GNA14: variants seen among roughly 807,000 people sequenced by gnomAD.
GNA14 encodes the protein G protein subunit alpha 14, also known as guanine nucleotide-binding protein subunit alpha-14.
A neutral mutation model predicts 42.0 loss-of-function variants in GNA14; 50 were observed. That is an observed-to-expected ratio of 1.19 (90% CI 0.95 to 1.51). The LOEUF is 1.51. Among genes scored for constraint, GNA14 ranks in the 40% most tolerant of loss-of-function variants. The pLI, the probability that GNA14 is intolerant of heterozygous loss-of-function variation, is 0.00. For synonymous variants in GNA14, 173 were observed against 163.1 expected, an observed-to-expected ratio of 1.06 and a Z score of -0.46; for missense variants, 473 against 446.2, an observed-to-expected ratio of 1.06 and a Z score of -0.54.
Position 77,428,710 on chromosome 9 carries a change from C to A in GNA14, c.723+197G>T, listed in dbSNP as rs76842842. On this transcript the variant is annotated intron_variant, in intron 5 of 6. Coordinates refer to ENST00000341700, the MANE Select transcript of GNA14 (RefSeq NM_004297.4). ...AAATGCAGATGCTGATGTAGTTGGT[C>A]GGGGTTGATTCAGTAAGACTGCATT... is the stretch of plus-strand genomic sequence containing the variant. Among the ~76,000 whole-genome samples the A allele has an allele frequency of 1.1e-3, 171 of 152,226 alleles. 4 individuals carry two copies. In the East Asian group the frequency reaches 0.029, roughly 26 times the overall value.
intron 1 of GNA14, among the ~76,000 whole-genome samples, chr9:77,587,360 A>T (rs984132561): frequency 2.0e-5 from 3 of 152,366 alleles, no homozygotes; most frequent in Admixed American, 2.0e-4. Context: ...ACATGTTCAT[A>T]GCAGCACTAT....
intron 1 of GNA14, among the ~76,000 whole-genome samples, chr9:77,551,698 T>C (rs1427646859): frequency 1.3e-5 from 2 of 152,044 alleles, no homozygotes; most frequent in East Asian, 1.9e-4. Context: ...AGCAGCATCT[T>C]TGGGCAACAA....
rs1354021485 is a variant in GNA14 at position 77,580,511 on chromosome 9, T to C, written c.125-51258A>G. The C allele has an allele frequency of 9.4e-6, 4 of 423,834 alleles. No individual in the cohort carries two copies. In the South Asian group the frequency reaches 9.7e-5, roughly 10 times the overall value. 26.3% of individuals were successfully genotyped at this position (423,834 alleles called of 1,614,324 possible). ...ATCATCAGCATGGTTGTGGGTGAGC[T>C]TAAGGTAGATGAAGACCCCATCATC... is the stretch of plus-strand genomic sequence containing the variant. On this transcript the variant is annotated intron_variant, in intron 1 of 6. Transcript: ENST00000341700.
intron 2 of GNA14, among the ~76,000 whole-genome samples, chr9:77,484,276 C>T (rs907495305): frequency 6.6e-6 from 1 of 152,156 alleles, no homozygotes; most frequent in African/African-American, 2.4e-5. Flanking sequence ...TACAGTTTGT[C>T]TTAAGAGGAG....
At chr9:77,531,597 AC>A (rs1837529963) in intron 1 of GNA14, among the ~76,000 whole-genome samples, 1 of 152,180 alleles carries the variant, frequency 6.6e-6, no homozygotes, top group Admixed American at 6.5e-5. Context: ...TAATATGGCT[AC>A]ATTTACACAT....
chr9:77,439,597 A>G (rs1835695601), intron 2 of GNA14, among the ~76,000 whole-genome samples: 2 of 152,236 alleles, frequency 1.3e-5, no homozygotes, highest in East Asian at 1.9e-4. Context: ...AGATCGTGCC[A>G]CCGCACTTCG....
chr9:77,601,156 C>T (rs1276163057), intron 1 of GNA14, among the ~76,000 whole-genome samples: 2 of 152,314 alleles, frequency 1.3e-5, no homozygotes, highest in East Asian at 3.9e-4. Flanking sequence ...ACCCCTCTTG[C>T]TTTGCTGAGA....
chr9:77,509,956 AAC>A (rs1218405764), intron 2 of GNA14, among the ~76,000 whole-genome samples: 1 of 152,220 alleles, frequency 6.6e-6, no homozygotes, highest in African/African-American at 2.4e-5. Context: ...GTTTTTTAAT[AAC>A]AGTTTTCTTG....
chr9:77,468,702 C>CT (rs1326899426), intron 2 of GNA14, among the ~76,000 whole-genome samples: 2 of 152,226 alleles, frequency 1.3e-5, no homozygotes, highest in African/African-American at 4.8e-5. Context: ...GCGTGCTTCT[C>CT]TATCTTCTCT....
chr9:77,561,766 C>G (rs988582667), intron 1 of GNA14, among the ~76,000 whole-genome samples: 3 of 152,188 alleles, frequency 2.0e-5, no homozygotes, highest in African/African-American at 7.2e-5. Flanking sequence ...TTAAAAATGG[C>G]TAAGAGGGTA....
chr9:77,476,416 C>A (rs767414821), intron 2 of GNA14, among the ~76,000 whole-genome samples: 1 of 152,216 alleles, frequency 6.6e-6, no homozygotes, highest in Non-Finnish European at 1.5e-5. Context: ...GCAGCTGGCT[C>A]ATTGTTGTCT....
intron 1 of GNA14, among the ~76,000 whole-genome samples, chr9:77,599,332 G>GA (rs1234893700): frequency 6.6e-6 from 1 of 152,160 alleles, no homozygotes; most frequent in Non-Finnish European, 1.5e-5. Context: ...AAAGACCCTG[G>GA]AAGAAAAAGC....
At chr9:77,613,635 T>G (rs1823764975) in intron 1 of GNA14, among the ~76,000 whole-genome samples, 1 of 152,208 alleles carries the variant, frequency 6.6e-6, no homozygotes, top group Non-Finnish European at 1.5e-5. Flanking sequence ...AGGTATCTAC[T>G]TTTCTCCAAA....
intron 2 of GNA14, among the ~76,000 whole-genome samples, chr9:77,468,066 G>C (rs564426916): frequency 6.6e-6 from 1 of 152,260 alleles, no homozygotes; most frequent in East Asian, 1.9e-4. Flanking sequence ...AGATACACTG[G>C]CAGCGTGCCC....
intron 2 of GNA14, among the ~76,000 whole-genome samples, chr9:77,495,598 T>C (rs1489335136): frequency 6.6e-6 from 1 of 152,190 alleles, no homozygotes; most frequent in Non-Finnish European, 1.5e-5. Flanking sequence ...ATAGCAAATA[T>C]GGATAAATGG....
intron 2 of GNA14, among the ~76,000 whole-genome samples, chr9:77,469,032 A>C (rs898360870): frequency 6.6e-6 from 1 of 152,192 alleles, no homozygotes; most frequent in African/African-American, 2.4e-5. Context: ...TAAGATCTAC[A>C]TTCCTTAGCA....
intron 1 of GNA14, among the ~76,000 whole-genome samples, chr9:77,536,485 G>A (rs1837600516): frequency 6.6e-6 from 1 of 152,112 alleles, no homozygotes; most frequent in Non-Finnish European, 1.5e-5. Context: ...CAAGCAGCTG[G>A]GATTACAAGC....
At chr9:77,501,588 T>C (rs1012165762) in intron 2 of GNA14, among the ~76,000 whole-genome samples, 1 of 152,226 alleles carries the variant, frequency 6.6e-6, no homozygotes, top group Non-Finnish European at 1.5e-5. Context: ...TTTAAAAATA[T>C]AGATCTAGCT....
At chr9:77,512,641 G>A (rs541967351) in intron 2 of GNA14, among the ~76,000 whole-genome samples, 2 of 152,156 alleles carry the variant, frequency 1.3e-5, no homozygotes, top group African/African-American at 2.4e-5. Context: ...CACACACAAA[G>A]GGATATTCAT....
Sources: allele counts gnomAD v4.1 joint callset (sites outside exome capture counted in the v4.1 genomes callset), GRCh38; gene constraint gnomAD v4.1.1; transcripts MANE v1.5; gene names NCBI Gene and HGNC (gene_info 2026-07-23, HGNC 2026-07-21).